CCBE1: variants seen among roughly 807,000 people sequenced by gnomAD.
CCBE1 encodes the protein collagen and calcium binding EGF domains 1.
CCBE1 carries 37 observed loss-of-function variants against 50.0 expected under a neutral mutation model. That is an observed-to-expected ratio of 0.74 (90% CI 0.57 to 0.97). The LOEUF (loss-of-function observed/expected upper bound fraction) is 0.97, where lower values mean the gene tolerates loss of function less well. CCBE1 is among the 50% of genes least tolerant of loss of function. The pLI is 0.00. For missense variants in CCBE1, 538 were observed against 523.8 expected (o/e 1.03, Z -0.26); for synonymous variants, 234 against 203.7 (o/e 1.15, Z -1.27).
At chr18:59,658,993 G>T (rs1028165260) in intron 2 of CCBE1, among the ~76,000 whole-genome samples, 1 of 149,620 alleles carries the variant, frequency 6.7e-6, no homozygotes, top group African/African-American at 2.5e-5. Context: ...AATCAGAAAA[G>T]CTCAACTAAT....
rs143424129 is a variant in CCBE1 at position 59,532,266 on chromosome 18, G to A, written c.213-52028C>T. On this transcript the variant is annotated intron_variant, in intron 2 of 10. Coordinates refer to ENST00000439986, the MANE Select transcript of CCBE1 (RefSeq NM_133459.4). ...TTTGTCATGTTGCCAGGCTGATCTC[G>A]AACTTCTAACTTAGGTGATCTGCCT... Among the ~76,000 whole-genome samples, 101 of 152,158 alleles carry A rather than the reference G, an allele frequency of 6.6e-4. No homozygotes were observed. The East Asian group carries it at 0.018, about 27-fold the overall frequency.
In CCBE1 at chr18:59,433,916, T is replaced by TA. The variant is rs1910039396; in HGVS notation, c.*1991dup. 3.1e-5 allele frequency: 3 copies of TA among 97,014 alleles called. No homozygotes were observed. The highest frequency in any genetic ancestry group is 1.2e-4 in the African/African-American group (3 of 25,542). The allele number at this position is 97,014 out of a possible 1,614,324, so 6.0% of individuals were successfully genotyped here. On this transcript the variant is annotated 3_prime_UTR_variant, in exon 11 of 11. Coordinates refer to ENST00000439986, the MANE Select transcript of CCBE1 (RefSeq NM_133459.4). ...CTTTTTTTTTTTTTTTTTTTTTTTT[T>TA]AATGAGACAGAGTCTCCCTCTGTTG...
chr18:59,513,466 C>G (rs1914226421), intron 2 of CCBE1, among the ~76,000 whole-genome samples: 2 of 152,216 alleles, frequency 1.3e-5, no homozygotes, highest in Non-Finnish European at 2.9e-5. Flanking sequence ...CAACTGTATA[C>G]TTCCTTTGTG....
At chr18:59,562,507 C>T (rs935037524) in intron 2 of CCBE1, among the ~76,000 whole-genome samples, 3 of 152,170 alleles carry the variant, frequency 2.0e-5, no homozygotes, top group Admixed American at 6.5e-5. Flanking sequence ...CACATGGGAA[C>T]TGATTTCCTA....
chr18:59,665,589 A>G (rs2144697215), intron 2 of CCBE1, among the ~76,000 whole-genome samples: 1 of 152,324 alleles, frequency 6.6e-6, no homozygotes, highest in Non-Finnish European at 1.5e-5. Context: ...CCCGGAAACA[A>G]CTGGGTATGA....
chr18:59,619,952 T>C (rs1037868018), intron 2 of CCBE1, among the ~76,000 whole-genome samples: 19 of 152,296 alleles, frequency 1.2e-4, no homozygotes, highest in African/African-American at 4.6e-4. Context: ...AGGTAGGGAA[T>C]TCACGGCAGA....
chr18:59,661,036 T>C (rs1341379619), intron 2 of CCBE1, among the ~76,000 whole-genome samples: 1 of 152,174 alleles, frequency 6.6e-6, no homozygotes, highest in East Asian at 1.9e-4. Flanking sequence ...AATACGTATT[T>C]TTTTCTCCCC....
chr18:59,527,784 T>C (rs947949011), intron 2 of CCBE1, among the ~76,000 whole-genome samples: 2 of 152,232 alleles, frequency 1.3e-5, no homozygotes, highest in African/African-American at 4.8e-5. Flanking sequence ...TGGAAATTCT[T>C]TTAAAAAGGT....
At chr18:59,511,633 G>C (rs991630840) in intron 2 of CCBE1, among the ~76,000 whole-genome samples, 1 of 152,148 alleles carries the variant, frequency 6.6e-6, no homozygotes, top group Non-Finnish European at 1.5e-5. Flanking sequence ...TTCTGTTCTA[G>C]CTTCTTTGAA....
rs551076881 is a variant in CCBE1 at position 59,600,997 on chromosome 18, T to A, written c.212+95632A>T. Among the ~76,000 whole-genome samples the A allele has an allele frequency of 6.0e-5, 9 of 149,354 alleles. No homozygotes were observed. In the South Asian group the frequency reaches 1.9e-3, roughly 32 times the overall value. ...TACTATGGATAGGGATCTATTTTAT[T>A]AGCTATGTGTCAGTTTTTTTTTTTT... On this transcript the variant is annotated intron_variant, in intron 2 of 10. Coordinates refer to ENST00000439986, the MANE Select transcript of CCBE1 (RefSeq NM_133459.4).
chr18:59,613,608 T>C (rs2053599112), intron 2 of CCBE1, among the ~76,000 whole-genome samples: 1 of 152,086 alleles, frequency 6.6e-6, no homozygotes, highest in Non-Finnish European at 1.5e-5. Context: ...ATTAAAAATA[T>C]CAATATAGAG....
intron 2 of CCBE1, among the ~76,000 whole-genome samples, chr18:59,596,042 T>G (rs1337270932): frequency 2.0e-5 from 3 of 152,260 alleles, no homozygotes; most frequent in Admixed American, 1.3e-4. Flanking sequence ...CTAGGACTTT[T>G]AATTCTATAA....
At chr18:59,657,477 C>G (rs556793361) in intron 2 of CCBE1, among the ~76,000 whole-genome samples, 2 of 152,356 alleles carry the variant, frequency 1.3e-5, no homozygotes, top group East Asian at 3.9e-4. Flanking sequence ...GTGCACCCAA[C>G]CCTCAGAGTC....
intron 2 of CCBE1, among the ~76,000 whole-genome samples, chr18:59,583,690 C>CGT (rs1458850358): frequency 7.5e-6 from 1 of 133,306 alleles, no homozygotes; most frequent in African/African-American, 2.8e-5. Context: ...TGCGCGCGCG[C>CGT]GCGCGCGCGC....
At chr18:59,560,659 G>T (rs181151815) in intron 2 of CCBE1, among the ~76,000 whole-genome samples, 295 of 152,250 alleles carry the variant, frequency 1.9e-3, no homozygotes, top group Admixed American at 6.3e-3. Context: ...CAAAAGCAGG[G>T]TGTGTTCATG....
Position 59,569,635 on chromosome 18 carries a change from T to A in CCBE1, c.213-89397A>T, listed in dbSNP as rs866861296. On this transcript the variant is annotated intron_variant, in intron 2 of 10. Coordinates refer to ENST00000439986, the MANE Select transcript of CCBE1 (RefSeq NM_133459.4). Reference sequence around the variant, plus strand: ...AGCAATTCATCTCCCCCCGCCCTTTTAAAAAAAAAAAAAGAGACAGGGTCT... The same window carrying A: ...AGCAATTCATCTCCCCCCGCCCTTTAAAAAAAAAAAAAAGAGACAGGGTCT... 8.1e-3 allele frequency among the ~76,000 whole-genome samples: 1,198 copies of A among 147,042 alleles called. 17 individuals carry two copies. Among genetic ancestry groups the A allele is most frequent in the African/African-American group, 0.027 (1,074 of 40,166 alleles).
chr18:59,647,344 C>T (rs897785653), intron 2 of CCBE1, among the ~76,000 whole-genome samples: 1 of 152,060 alleles, frequency 6.6e-6, no homozygotes, highest in Non-Finnish European at 1.5e-5. Context: ...AAAATATGTA[C>T]CCACAGGATC....
intron 7 of CCBE1, among the ~76,000 whole-genome samples, chr18:59,442,911 CT>C (rs1234337619): frequency 6.6e-6 from 1 of 152,096 alleles, no homozygotes; most frequent in Non-Finnish European, 1.5e-5. Flanking sequence ...GTTCAGTTCC[CT>C]TGTTTCTAAC....
intron 6 of CCBE1, among the ~76,000 whole-genome samples, chr18:59,452,806 AC>A (rs1359375400): frequency 6.6e-6 from 1 of 152,184 alleles, no homozygotes; most frequent in African/African-American, 2.4e-5. Context: ...TCTAATAGGA[AC>A]CTTTAGAAAT....
Sources: gnomAD v4.1 joint callset for allele counts (sites outside exome capture counted in the v4.1 genomes callset) on GRCh38, gnomAD v4.1.1 for gene constraint, MANE v1.5 for transcripts, NCBI Gene and HGNC (gene_info 2026-07-23, HGNC 2026-07-21) for gene names.